The following PCDHA10 variants were observed in gnomAD, a reference collection of about 807,000 sequenced individuals.
PCDHA10 encodes the protein protocadherin alpha-10.
Under a neutral mutation model 61.2 loss-of-function variants are expected in PCDHA10, and 45 were observed. That is an observed-to-expected ratio of 0.74 (90% confidence interval 0.58 to 0.94). PCDHA10 has a LOEUF of 0.94. PCDHA10 is among the 40% of genes least tolerant of loss of function. The probability of loss-of-function intolerance (pLI) is 0.00; values close to 1 mark genes in which losing one functional copy is unlikely to be tolerated. For missense variants in PCDHA10, 1,278 were observed against 1,236.2 expected, an observed-to-expected ratio of 1.03 and a Z score of -0.51; for synonymous variants, 602 against 548.8, an observed-to-expected ratio of 1.10 and a Z score of -1.35.
intron 1 of PCDHA10, chr5:140,966,750 C>T: frequency 7.0e-7 from 1 of 1,428,438 alleles, no homozygotes; most frequent in African/African-American, 1.5e-5. Context: ...CGGCTGCCTC[C>T]GCCGCGGCCA....
At chr5:140,925,176 A>G (rs187925786) in intron 1 of PCDHA10, among the ~76,000 whole-genome samples, 2 of 152,236 alleles carry the variant, frequency 1.3e-5, no homozygotes, top group African/African-American at 2.4e-5. Context: ...ATTGACCCCA[A>G]TGTACCATCA....
chr5:140,966,916 G>A lies in PCDHA10; in HGVS notation c.2389-12033G>A, dbSNP rs1554228883. On this transcript the variant is annotated intron_variant, in intron 1 of 3. Coordinates refer to ENST00000307360, the MANE Select transcript of PCDHA10 (RefSeq NM_018901.4). Reference sequence around the variant, plus strand: ...CCCAGCTGCGATACTCTGTGCCAGAGGAGCAGGCACCCGGCGCGCTCGTGG... The same window carrying A: ...CCCAGCTGCGATACTCTGTGCCAGAAGAGCAGGCACCCGGCGCGCTCGTGG... 13 of 1,602,486 alleles carry A rather than the reference G, an allele frequency of 8.1e-6. No individual in the cohort carries two copies. In the South Asian group the frequency reaches 1.4e-4, roughly 18 times the overall value.
chr5:140,967,670 G>A (rs1554229754), intron 1 of PCDHA10: 1 of 1,614,092 alleles, frequency 6.2e-7, no homozygotes, highest in Non-Finnish European at 8.5e-7. Flanking sequence ...CTACACGTCG[G>A]ACCGGGAGAG....
intron 1 of PCDHA10, among the ~76,000 whole-genome samples, chr5:140,971,967 A>C (rs2096509788): frequency 6.6e-6 from 1 of 152,118 alleles, no homozygotes; most frequent in Non-Finnish European, 1.5e-5. Flanking sequence ...ACTTTTTTTC[A>C]ATACTATGAG....
chr5:141,003,322 G>A (rs1588017257), intron 3 of PCDHA10, among the ~76,000 whole-genome samples: 1 of 152,242 alleles, frequency 6.6e-6, no homozygotes, highest in East Asian at 1.9e-4. Flanking sequence ...ACTTCCAGAG[G>A]GCAGGGTTTT....
At chr5:140,991,740 GCT>G (rs1175946938) in intron 3 of PCDHA10, among the ~76,000 whole-genome samples, 3 of 152,200 alleles carry the variant, frequency 2.0e-5, no homozygotes, top group African/African-American at 7.2e-5. Context: ...GGTAATGTAG[GCT>G]CTTTCTATCA....
chr5:140,968,371 C>T (rs1554230646), intron 1 of PCDHA10: 3 of 1,614,088 alleles, frequency 1.9e-6, no homozygotes, highest in Non-Finnish European at 2.5e-6. Context: ...ATGCTGTCAA[C>T]TCCTTTGACT....
chr5:140,855,925 C>T lies in PCDHA10; in HGVS notation c.-124C>T. The T allele has an allele frequency of 1.6e-6, 2 of 1,240,614 alleles. No individual in the cohort carries two copies. The highest frequency in any genetic ancestry group is 2.5e-5 in the Admixed American group (1 of 40,100). 76.9% of individuals were successfully genotyped at this position (1,240,614 alleles called of 1,614,324 possible). A position where few individuals can be genotyped will look rare whatever the true frequency, so the allele number is the denominator to read the frequency against. ...CAGTTTCTCAAGGACTAGGAAGTAG[C>T]GTCATTCTGAGATCTCAGCCATTTC... On this transcript the variant is annotated 5_prime_UTR_variant, in exon 1 of 4. Transcript: ENST00000307360.
intron 3 of PCDHA10, among the ~76,000 whole-genome samples, chr5:140,994,883 A>G (rs1197020328): frequency 2.6e-5 from 4 of 152,222 alleles, no homozygotes; most frequent in Non-Finnish European, 5.9e-5. Context: ...AAGAGATGTT[A>G]GGAAATGAGA....
At chr5:140,869,256 C>T in intron 1 of PCDHA10, 2 of 1,613,586 alleles carry the variant, frequency 1.2e-6, no homozygotes, top group Non-Finnish European at 1.7e-6. Flanking sequence ...TCGCGCAGGA[C>T]CTGGGGCTGG....
chr5:140,902,127 C>G (rs2069118126), intron 1 of PCDHA10, among the ~76,000 whole-genome samples: 1 of 150,418 alleles, frequency 6.6e-6, no homozygotes, highest in African/African-American at 2.4e-5. Context: ...GAGATTATAT[C>G]ATCTGCAAAC....
rs781982439 is a variant in PCDHA10, at chr5:140,967,345, C to G, written c.2389-11604C>G. 3 of 1,607,752 alleles carry G rather than the reference C, an allele frequency of 1.9e-6. No homozygotes were observed. The South Asian group carries it at 3.3e-5, about 18-fold the overall frequency. On this transcript the variant is annotated intron_variant, in intron 1 of 3. Coordinates refer to ENST00000307360, the MANE Select transcript of PCDHA10 (RefSeq NM_018901.4). ...ACGAGCTCAGCCCCAGCGAGCACTT[C>G]GAGCTGGACCTTAAGCCCCTGCAGG...
chr5:140,991,503 T>C (rs975448423), intron 3 of PCDHA10, among the ~76,000 whole-genome samples: 6 of 152,246 alleles, frequency 3.9e-5, no homozygotes, highest in Non-Finnish European at 7.3e-5. Context: ...TGAGTTTCAC[T>C]GGCTAAAATC....
chr5:140,864,251 T>C (rs2048389187), intron 1 of PCDHA10: 1 of 152,248 alleles, frequency 6.6e-6, no homozygotes, highest in South Asian at 2.1e-4. Context: ...TTCATTTTCT[T>C]ATTCTGATTT....
chr5:140,879,675 G>A (rs141369145), intron 1 of PCDHA10, among the ~76,000 whole-genome samples: 1 of 152,360 alleles, frequency 6.6e-6, no homozygotes, highest in South Asian at 2.1e-4. Context: ...CAAACTGGGT[G>A]CTGTAAAACA....
chr5:140,870,825 C>T, intron 1 of PCDHA10: 1 of 1,613,726 alleles, frequency 6.2e-7, no homozygotes, highest in Non-Finnish European at 8.5e-7. Flanking sequence ...GCGCGGGAGG[C>T]GCAGTTAACA....
chr5:140,866,964 C>T (rs1197921114), intron 1 of PCDHA10: 1 of 152,102 alleles, frequency 6.6e-6, no homozygotes, highest in East Asian at 1.9e-4. Flanking sequence ...GAGATGGTGA[C>T]ATCTGAAATA....
intron 1 of PCDHA10, among the ~76,000 whole-genome samples, chr5:140,880,101 T>C (rs1190307689): frequency 6.6e-6 from 1 of 152,192 alleles, no homozygotes; most frequent in Non-Finnish European, 1.5e-5. Context: ...CTTAAAATCA[T>C]AGAAGGATAG....
At chr5:140,861,401 G>T in intron 1 of PCDHA10, 1 of 465,630 alleles carries the variant, frequency 2.1e-6, no homozygotes, top group Non-Finnish European at 4.4e-6. Flanking sequence ...TGGAGCTTGT[G>T]GAGCTGATAC....
Sources: gnomAD v4.1 joint callset for allele counts (sites outside exome capture counted in the v4.1 genomes callset) on GRCh38, gnomAD v4.1.1 for gene constraint, MANE v1.5 for transcripts, NCBI Gene and HGNC (gene_info 2026-07-23, HGNC 2026-07-21) for gene names.